Variants in PRELID2 observed in about 807,000 individuals in gnomAD.
The protein encoded by PRELID2 is PRELI domain containing 2, also known as PRELI domain-containing protein 2.
In PRELID2, 25 loss-of-function variants were observed where a neutral mutation model predicts 28.4. That is an observed-to-expected ratio of 0.88 (90% CI 0.64 to 1.23). The LOEUF (loss-of-function observed/expected upper bound fraction) is 1.23, where lower values mean the gene tolerates loss of function less well. Among genes scored for constraint, PRELID2 ranks in the 50% most tolerant of loss-of-function variants. PRELID2 has a pLI of 0.00. For missense variants in PRELID2, 201 were observed against 214.4 expected (o/e 0.94, Z 0.39); for synonymous variants, 76 against 71.6 (o/e 1.06, Z -0.31).
At chr5:145,655,584 G>C (rs1260000367) in intron 1 of PRELID2, among the ~76,000 whole-genome samples, 5 of 152,120 alleles carry the variant, frequency 3.3e-5, no homozygotes. Flanking sequence ...ATAGCCCTCA[G>C]AAATAATACC....
the PRELID2 span, among the ~76,000 whole-genome samples, chr5:145,322,887 A>G: frequency 1.3e-5 from 2 of 152,150 alleles, no homozygotes; most frequent in African/African-American, 4.8e-5. Context: ...AGGCTGAGGT[A>G]GCAGAATTGT....
At chr5:145,828,305 T>C (rs1450108341) in intron 1 of PRELID2, among the ~76,000 whole-genome samples, 3 of 152,254 alleles carry the variant, frequency 2.0e-5, no homozygotes, top group Non-Finnish European at 4.4e-5. Context: ...TAGCTGGTTT[T>C]GCTACTAACA....
chr5:145,551,953 C>T (rs968680374), intron 1 of PRELID2, among the ~76,000 whole-genome samples: 5 of 152,144 alleles, frequency 3.3e-5, no homozygotes, highest in Non-Finnish European at 5.9e-5. Context: ...ATTCTCCTCC[C>T]GCCTTCTGTC....
At chr5:145,464,935 T>G in the PRELID2 span, among the ~76,000 whole-genome samples, 4 of 152,108 alleles carry the variant, frequency 2.6e-5, no homozygotes, top group Non-Finnish European at 5.9e-5. Context: ...CCAAAGAGCC[T>G]AAAGTAAAGT....
the PRELID2 span, among the ~76,000 whole-genome samples, chr5:145,293,745 T>C: frequency 6.6e-6 from 1 of 152,172 alleles, no homozygotes; most frequent in Non-Finnish European, 1.5e-5. Flanking sequence ...GAGATTAACA[T>C]CTTTAGTCCT....
the PRELID2 span, among the ~76,000 whole-genome samples, chr5:145,455,105 G>C: frequency 2.0e-5 from 3 of 151,998 alleles, no homozygotes; most frequent in Non-Finnish European, 1.5e-5. Flanking sequence ...GGGTTTTATG[G>C]TTTTAGGTCT....
Position 145,604,554 on chromosome 5 carries a change from G to A in PRELID2, n.71-131239C>T, listed in dbSNP as rs115662319. Reference sequence around the variant, plus strand: ...CTGCAATGAACATAGACGTGTATACGTCTTTATGGTAGAATAATTTATATT... The same window carrying A: ...CTGCAATGAACATAGACGTGTATACATCTTTATGGTAGAATAATTTATATT... On this transcript the variant is annotated intron_variant and non_coding_transcript_variant, in intron 1 of 2. Transcript: ENST00000510259. 9.2e-3 allele frequency among the ~76,000 whole-genome samples: 1,393 copies of A among 151,988 alleles called. 29 individuals carry two copies. The highest frequency in any genetic ancestry group is 0.032 in the African/African-American group (1,315 of 41,444).
chr5:145,628,375 G>A (rs920535966), intron 1 of PRELID2, among the ~76,000 whole-genome samples: 6 of 152,052 alleles, frequency 3.9e-5, no homozygotes, highest in Non-Finnish European at 7.4e-5. Context: ...CCAGGCTGGA[G>A]TGCAGTGGCG....
At chr5:145,546,547 G>A (rs978073672) in intron 1 of PRELID2, among the ~76,000 whole-genome samples, 8 of 152,056 alleles carry the variant, frequency 5.3e-5, no homozygotes, top group African/African-American at 1.9e-4. Flanking sequence ...GAAAAGACAG[G>A]CAAGTAGAAC....
At chr5:145,473,074 A>C (rs1448083820) in intron 2 of PRELID2, 1 of 152,228 alleles carries the variant, frequency 6.6e-6, no homozygotes, top group Non-Finnish European at 1.5e-5. Flanking sequence ...CCTTAAGTAC[A>C]CTAAAATATA....
At chr5:145,480,194 G>A (rs537671244) in intron 1 of PRELID2, among the ~76,000 whole-genome samples, 23 of 152,188 alleles carry the variant, frequency 1.5e-4, no homozygotes, top group East Asian at 1.9e-4. Flanking sequence ...GTCATAAGCC[G>A]CTTCTCTTAA....
At chr5:145,598,550 A>G (rs945324693) in intron 1 of PRELID2, among the ~76,000 whole-genome samples, 1 of 152,228 alleles carries the variant, frequency 6.6e-6, no homozygotes, top group South Asian at 2.1e-4. Context: ...GAAGTGAAAT[A>G]AAAGAATACG....
chr5:145,306,629 T>G, the PRELID2 span, among the ~76,000 whole-genome samples: 1 of 152,090 alleles, frequency 6.6e-6, no homozygotes, highest in Non-Finnish European at 1.5e-5. Context: ...GTAAATCATA[T>G]TTCATATTTC....
intron 1 of PRELID2, among the ~76,000 whole-genome samples, chr5:145,492,878 G>A (rs1201908724): frequency 3.6e-5 from 5 of 140,370 alleles, no homozygotes; most frequent in Admixed American, 2.2e-4. Context: ...CAGTCTAGAG[G>A]CTCAATCCAT....
intron 1 of PRELID2, among the ~76,000 whole-genome samples, chr5:145,653,112 T>G (rs1754327955): frequency 6.6e-6 from 1 of 152,082 alleles, no homozygotes; most frequent in African/African-American, 2.4e-5. Flanking sequence ...TAGTCTCTGA[T>G]AAAACAGACT....
At chr5:145,796,607 CAG>C in intron 4 of PRELID2, 60 bp from the exon 5 acceptor site, 1 of 1,012,162 alleles carries the variant, frequency 9.9e-7, no homozygotes, top group Non-Finnish European at 1.5e-6. Context: ...ATGTAAACGA[CAG>C]ACATTTCTAG....
At chr5:145,407,099 C>G in the PRELID2 span, among the ~76,000 whole-genome samples, 1 of 152,096 alleles carries the variant, frequency 6.6e-6, no homozygotes, top group East Asian at 1.9e-4. Context: ...GATTGGGGAG[C>G]AAATGGGAAG....
chr5:145,362,180 C>T, the PRELID2 span, among the ~76,000 whole-genome samples: 2 of 152,106 alleles, frequency 1.3e-5, no homozygotes, highest in Non-Finnish European at 2.9e-5. Context: ...GGAAGGAAAG[C>T]AAGGCTGGGA....
In PRELID2 at chr5:145,624,253, C is replaced by T. The variant is rs180692490; in HGVS notation, n.70+140678G>A. ...CCCCATCATTCAGGAGTTTTTATGG[C>T]AGTTTGATTATATAAGTATGATTGA... is the stretch of plus-strand genomic sequence containing the variant. On this transcript the variant is annotated intron_variant and non_coding_transcript_variant, in intron 1 of 2. Transcript: ENST00000510259. 3.0e-3 allele frequency among the ~76,000 whole-genome samples: 458 copies of T among 152,180 alleles called. 2 individuals are homozygous for T. Among genetic ancestry groups the T allele is most frequent in the African/African-American group, 0.011 (443 of 41,532 alleles).
Sources: allele counts gnomAD v4.1 joint callset (sites outside exome capture counted in the v4.1 genomes callset), GRCh38; gene constraint gnomAD v4.1.1; transcripts MANE v1.5; gene names NCBI Gene and HGNC (gene_info 2026-07-23, HGNC 2026-07-21).